The following TANGO6 variants were observed in gnomAD, a reference collection of about 807,000 sequenced individuals.
TANGO6 encodes transport and Golgi organization protein 6 homolog.
A neutral mutation model predicts 114.2 loss-of-function variants in TANGO6; 90 were observed. That is an observed-to-expected ratio of 0.79 (90% CI 0.66 to 0.94). The LOEUF is 0.94. TANGO6 is among the 40% of genes least tolerant of loss of function. The probability of loss-of-function intolerance (pLI) is 0.00; values close to 1 mark genes in which losing one functional copy is unlikely to be tolerated. For synonymous variants in TANGO6, 477 were observed against 509.8 expected, an observed-to-expected ratio of 0.94 and a Z score of 0.87; for missense variants, 1,274 against 1,315.3, an observed-to-expected ratio of 0.97 and a Z score of 0.49.
intron 15 of TANGO6, among the ~76,000 whole-genome samples, chr16:68,994,628 G>T (rs1963974645): frequency 6.6e-6 from 1 of 150,788 alleles, no homozygotes; most frequent in African/African-American, 2.4e-5. Flanking sequence ...AGGCTGGAGT[G>T]CAGTGGCACT....
chr16:69,074,288 T>C (rs1960340161), intron 17 of TANGO6, among the ~76,000 whole-genome samples: 1 of 151,734 alleles, frequency 6.6e-6, no homozygotes, highest in African/African-American at 2.4e-5. Context: ...TGTATATATA[T>C]ATATATTACA....
rs746982480 is a variant in TANGO6 at position 68,878,105 on chromosome 16, A to T, written c.1132-13A>T. 1.3e-6 allele frequency: 2 copies of T among 1,599,590 alleles called. No individual in the cohort carries two copies. Among genetic ancestry groups the T allele is most frequent in the African/African-American group, 2.7e-5 (2 of 74,266 alleles). Reference sequence around the variant, plus strand: ...CAAAAAACTGGTATTTACTTCTTGTAGTTTTTTTGTAGGTTCTGGATTTAT... The same window carrying T: ...CAAAAAACTGGTATTTACTTCTTGTTGTTTTTTTGTAGGTTCTGGATTTAT... On this transcript the variant is annotated splice_polypyrimidine_tract_variant and intron_variant, in intron 5 of 17. Transcript: ENST00000261778.
At chr16:68,994,167 G>A (rs1259280444) in intron 15 of TANGO6, among the ~76,000 whole-genome samples, 1 of 152,144 alleles carries the variant, frequency 6.6e-6, no homozygotes, top group Non-Finnish European at 1.5e-5. Context: ...ATGTTTCTGT[G>A]TTATTTTAGT....
rs1449804782 is a variant in TANGO6 at position 68,927,817 on chromosome 16, A to C, written c.2377A>C (p.Ser793Arg). 1 of 1,613,926 alleles carries C rather than the reference A, an allele frequency of 6.2e-7. No individual in the cohort carries two copies. The highest frequency in any genetic ancestry group is 1.3e-5 in the African/African-American group (1 of 74,938). Reference protein sequence around the residue: ...SHERPTDVAHSHLEQQQSHET... With the variant: ...SHERPTDVAHRHLEQQQSHET... Reference sequence around the variant, plus strand: ...TGAAAGACCCACTGATGTAGCTCATAGCCACCTTGAACAACAGCAGAGCCA... The same window carrying C: ...TGAAAGACCCACTGATGTAGCTCATCGCCACCTTGAACAACAGCAGAGCCA... Residue 793 changes from serine (S) to arginine (R), a missense_variant, in exon 13 of 18, where the codon AGC (serine) becomes CGC (arginine). Ser to Arg is a moderately radical substitution (Grantham distance 110). This residue lies in a region of TANGO6 where 908 missense variants were observed against 910.2 expected (regional missense o/e 1.00). Transcript: ENST00000261778.
intron 15 of TANGO6, among the ~76,000 whole-genome samples, chr16:69,013,153 G>T (rs1180447401): frequency 1.3e-5 from 2 of 151,114 alleles, no homozygotes; most frequent in Non-Finnish European, 2.9e-5. Context: ...CATATACTAA[G>T]ATGATTCAGC....
intron 14 of TANGO6, among the ~76,000 whole-genome samples, chr16:68,935,076 G>C (rs945206643): frequency 3.3e-5 from 5 of 152,184 alleles, no homozygotes; most frequent in Admixed American, 1.3e-4. Context: ...CAAGGCTTCA[G>C]GTGAGTTTCC....
At chr16:69,027,309 A>G (rs555278350) in intron 16 of TANGO6, among the ~76,000 whole-genome samples, 1 of 152,018 alleles carries the variant, frequency 6.6e-6, no homozygotes, top group South Asian at 2.1e-4. Flanking sequence ...TATAAGGGCT[A>G]CTCTTTTCAT....
intron 14 of TANGO6, among the ~76,000 whole-genome samples, chr16:68,946,860 C>T (rs1452766097): frequency 1.3e-5 from 2 of 152,040 alleles, no homozygotes; most frequent in African/African-American, 2.4e-5. Flanking sequence ...GTTGCCTAGC[C>T]CAAGATAATG....
intron 14 of TANGO6, among the ~76,000 whole-genome samples, chr16:68,934,148 TC>T (rs1206141861): frequency 1.3e-5 from 2 of 151,722 alleles, no homozygotes; most frequent in Non-Finnish European, 2.9e-5. Flanking sequence ...GCTCAAGCAG[TC>T]CTACCACGTC....
chr16:68,974,197 A>G, intron 15 of TANGO6, 29 bp downstream of exon 15: 1 of 1,613,532 alleles, frequency 6.2e-7, no homozygotes, highest in Non-Finnish European at 8.5e-7. Flanking sequence ...TCCACCTGGA[A>G]AAGGGTGGAG....
chr16:69,049,922 G>A (rs1179522982), intron 17 of TANGO6, among the ~76,000 whole-genome samples: 1 of 152,062 alleles, frequency 6.6e-6, no homozygotes, highest in African/African-American at 2.4e-5. Context: ...CTTAATGTTT[G>A]CAGCTGAATA....
rs1379783939 is a variant in TANGO6, at chr16:68,859,947, A to G, written c.158A>G (p.Asn53Ser). The change falls in exon 2 of 18, where the codon AAC (asparagine) becomes AGC (serine). Residue 53 changes from asparagine (N) to serine (S), a missense_variant. Physicochemically the swap from Asn to Ser is conservative, Grantham distance 46. Around this residue, in one of 5 missense-constraint regions of TANGO6, gnomAD observed 114 missense variants for 104.6 expected, o/e 1.09. Transcript: ENST00000261778. ...HDVLLATLKS[N>S]LSALEDKFLK... ...GTCTTGTTGGCTACTTTAAAATCTA[A>G]CCTGTCTGCTTTGGAGGACAAGTTT... is the stretch of plus-strand genomic sequence containing the variant. 2.5e-6 allele frequency: 4 copies of G among 1,611,138 alleles called. No homozygotes were observed. Among genetic ancestry groups the G allele is most frequent in the Non-Finnish European group, 3.4e-6 (4 of 1,178,000 alleles).
chr16:68,848,848 C>T (rs1429211359), intron 1 of TANGO6, among the ~76,000 whole-genome samples: 4 of 151,768 alleles, frequency 2.6e-5, no homozygotes, highest in Non-Finnish European at 4.4e-5. Flanking sequence ...CATTTTTGGC[C>T]TCTGGGAACC....
intron 15 of TANGO6, among the ~76,000 whole-genome samples, chr16:69,019,807 G>C (rs1959369573): frequency 6.6e-6 from 1 of 152,104 alleles, no homozygotes; most frequent in African/African-American, 2.4e-5. Flanking sequence ...CAAAGTGCTG[G>C]GATTATAGGC....
chr16:68,985,892 C>T (rs971230547), intron 15 of TANGO6, among the ~76,000 whole-genome samples: 2 of 152,088 alleles, frequency 1.3e-5, no homozygotes, highest in Non-Finnish European at 2.9e-5. Flanking sequence ...TCTCTTCTGA[C>T]ACCTTTGGTA....
chr16:68,897,279 A>G (rs1014207338), intron 7 of TANGO6, among the ~76,000 whole-genome samples: 1 of 151,796 alleles, frequency 6.6e-6, no homozygotes, highest in Admixed American at 6.6e-5. Flanking sequence ...AACCTGCTTT[A>G]TTTTTCTTCC....
chr16:69,019,191 T>C (rs999449971), intron 15 of TANGO6, among the ~76,000 whole-genome samples: 1 of 152,218 alleles, frequency 6.6e-6, no homozygotes, highest in Non-Finnish European at 1.5e-5. Context: ...ACGATTACAA[T>C]TCACTAAATT....
intron 14 of TANGO6, among the ~76,000 whole-genome samples, chr16:68,935,640 G>A (rs1293311975): frequency 6.6e-6 from 1 of 152,154 alleles, no homozygotes. Context: ...TTCAGGCAGA[G>A]AATTATGTAT....
chr16:68,883,189 T>G (rs1355261911), intron 7 of TANGO6, among the ~76,000 whole-genome samples: 1 of 151,880 alleles, frequency 6.6e-6, no homozygotes, highest in African/African-American at 2.4e-5. Context: ...AGAGCAAGAC[T>G]CTGCCTCAAA....
Sources: gnomAD v4.1 joint callset for allele counts (sites outside exome capture counted in the v4.1 genomes callset) on GRCh38, gnomAD v4.1.1 for gene constraint, gnomAD v4.1.1 regional missense constraint, MANE v1.5 for transcripts, NCBI Gene and HGNC (gene_info 2026-07-23, HGNC 2026-07-21) for gene names.